The following XKR4 variants were observed in gnomAD, a reference collection of about 807,000 sequenced individuals.
XKR4 encodes XK-related protein 4.
In XKR4, 12 loss-of-function variants were observed where a neutral mutation model predicts 53.9. The ratio of observed to expected loss-of-function variants is 0.22; its 90% confidence interval spans 0.14 to 0.36. XKR4 has a LOEUF of 0.36. XKR4 is among the 10% of genes least tolerant of loss of function. The pLI is 1.00. For synonymous variants in XKR4, 354 were observed against 362.4 expected (o/e 0.98, Z 0.26); for missense variants, 799 against 859.5 (o/e 0.93, Z 0.88).
intron 2 of XKR4, among the ~76,000 whole-genome samples, chr8:55,373,468 A>G (rs187236304): frequency 7.2e-5 from 11 of 152,298 alleles, no homozygotes; most frequent in Non-Finnish European, 1.2e-4. Context: ...CACCTGGCCA[A>G]CACTCCAAAA....
chr8:55,450,185 T>C, intron 2 of XKR4: 1 of 665,422 alleles, frequency 1.5e-6, no homozygotes, highest in Non-Finnish European at 2.7e-6. Flanking sequence ...CGGGGGCAGC[T>C]GTGGTAGCAG....
chr8:55,438,854 G>T (rs1805223959), intron 2 of XKR4, among the ~76,000 whole-genome samples: 1 of 152,174 alleles, frequency 6.6e-6, no homozygotes, highest in South Asian at 2.1e-4. Flanking sequence ...GGAGCAACAA[G>T]TATGATGCTA....
At chr8:55,360,859 T>G (rs1010481806) in intron 2 of XKR4, among the ~76,000 whole-genome samples, 3 of 152,272 alleles carry the variant, frequency 2.0e-5, no homozygotes, top group African/African-American at 7.2e-5. Flanking sequence ...TCCTTCCTTA[T>G]GTAGTCACTC....
chr8:55,184,608 C>T (rs1272945013), intron 1 of XKR4, among the ~76,000 whole-genome samples: 1 of 152,186 alleles, frequency 6.6e-6, no homozygotes, highest in African/African-American at 2.4e-5. Context: ...TGCACAATTA[C>T]ATTGGCTCTT....
chr8:55,288,557 G>T (rs899922988), intron 1 of XKR4, among the ~76,000 whole-genome samples: 3 of 152,150 alleles, frequency 2.0e-5, no homozygotes, highest in Admixed American at 6.6e-5. Flanking sequence ...TATACTTGGA[G>T]AATATTTAAG....
chr8:55,126,863 A>G (rs1050257566), intron 1 of XKR4, among the ~76,000 whole-genome samples: 14 of 152,208 alleles, frequency 9.2e-5, no homozygotes, highest in African/African-American at 3.4e-4. Flanking sequence ...GATTTATGCA[A>G]TGTCTTTTCC....
At chr8:55,450,743 G>A in intron 2 of XKR4, 3 of 582,044 alleles carry the variant, frequency 5.2e-6, no homozygotes, top group Non-Finnish European at 9.9e-6. Flanking sequence ...TTCTCCACCA[G>A]CAGGTGGAAC....
intron 2 of XKR4, among the ~76,000 whole-genome samples, chr8:55,486,061 A>G (rs1806186199): frequency 6.6e-6 from 1 of 152,212 alleles, no homozygotes; most frequent in Non-Finnish European, 1.5e-5. Context: ...ATAATCACAT[A>G]TAAATTTTTG....
At chr8:55,433,332 G>T (rs538571992) in intron 2 of XKR4, among the ~76,000 whole-genome samples, 11 of 152,320 alleles carry the variant, frequency 7.2e-5, no homozygotes, top group Non-Finnish European at 1.3e-4. Flanking sequence ...CTATACAGAA[G>T]TCGCTAAATG....
intron 2 of XKR4, among the ~76,000 whole-genome samples, chr8:55,507,855 T>C (rs1806567269): frequency 6.6e-6 from 1 of 152,208 alleles, no homozygotes; most frequent in East Asian, 1.9e-4. Flanking sequence ...ATCCTTTGGG[T>C]ATATACCCAG....
chr8:55,467,918 C>T (rs1805806744), intron 2 of XKR4, among the ~76,000 whole-genome samples: 1 of 152,052 alleles, frequency 6.6e-6, no homozygotes, highest in African/African-American at 2.4e-5. Flanking sequence ...ATAGTATTTT[C>T]TTTCAGTGTC....
chr8:55,259,935 C>T (rs1480458359), intron 1 of XKR4, among the ~76,000 whole-genome samples: 1 of 151,252 alleles, frequency 6.6e-6, no homozygotes, highest in Non-Finnish European at 1.5e-5. Flanking sequence ...CCCCTCCCCA[C>T]CCCTTGTGTA....
rs77094773 is a variant in XKR4, at chr8:55,209,203, A to ATGTGTGTGTGTGTGTG, written c.806+105919_806+105934dup. Among the ~76,000 whole-genome samples the ATGTGTGTGTGTGTGTG allele has an allele frequency of 9.6e-3, 1,435 of 149,302 alleles. 13 individuals carry two copies. The highest frequency in any genetic ancestry group is 0.029 in the South Asian group (138 of 4,682). ...CCCAAAGAGGGAGAGCAGTGTGTTT[A>ATGTGTGTGTGTGTGTG]TGTGTGTGTGTGTGTGTGTGTGTGT... On this transcript the variant is annotated intron_variant, in intron 1 of 2. Transcript: ENST00000327381.
At chr8:55,136,094 A>G (rs1816625159) in intron 1 of XKR4, among the ~76,000 whole-genome samples, 1 of 152,064 alleles carries the variant, frequency 6.6e-6, no homozygotes, top group Admixed American at 6.6e-5. Flanking sequence ...GGGTTTCACC[A>G]TGTTGGCCAG....
intron 1 of XKR4, among the ~76,000 whole-genome samples, chr8:55,273,203 G>A (rs1325583798): frequency 6.7e-6 from 1 of 150,268 alleles, no homozygotes; most frequent in African/African-American, 2.5e-5. Context: ...CACCCTCACT[G>A]ACTAAATGTG....
chr8:55,167,546 A>G lies in XKR4; in HGVS notation c.806+64252A>G, dbSNP rs74652170. On this transcript the variant is annotated intron_variant, in intron 1 of 2. Coordinates refer to ENST00000327381, the MANE Select transcript of XKR4 (RefSeq NM_052898.2). ...CAAAGCCACCTGCCAACAAGGAATG[A>G]TTGCGATAGACTTCGGAAGCAAGAC... Among the ~76,000 whole-genome samples the G allele has an allele frequency of 8.7e-3, 1,324 of 152,342 alleles. 21 individuals carry two copies. Among genetic ancestry groups the G allele is most frequent in the African/African-American group, 0.031 (1,269 of 41,582 alleles).
At chr8:55,472,268 C>A (rs145610731) in intron 2 of XKR4, among the ~76,000 whole-genome samples, 2 of 152,044 alleles carry the variant, frequency 1.3e-5, no homozygotes, top group African/African-American at 4.8e-5. Flanking sequence ...AAATGATAAT[C>A]ATCTGTGTGT....
intron 1 of XKR4, among the ~76,000 whole-genome samples, chr8:55,179,049 CAAGAGG>C (rs1362800489): frequency 6.6e-6 from 1 of 152,062 alleles, no homozygotes; most frequent in Non-Finnish European, 1.5e-5. Context: ...AAAAATTAGA[CAAGAGG>C]AAGAGGGCTT....
intron 1 of XKR4, among the ~76,000 whole-genome samples, chr8:55,319,192 CT>C (rs1048108461): frequency 5.9e-5 from 9 of 152,052 alleles, no homozygotes; most frequent in African/African-American, 9.6e-5. Flanking sequence ...TCTTATATTA[CT>C]TTTTTTTCCC....
Sources: gnomAD v4.1 joint callset for allele counts (sites outside exome capture counted in the v4.1 genomes callset) on GRCh38, gnomAD v4.1.1 for gene constraint, MANE v1.5 for transcripts, NCBI Gene and HGNC (gene_info 2026-07-23, HGNC 2026-07-21) for gene names.